STK3: variants seen among roughly 807,000 people sequenced by gnomAD.
STK3 encodes serine/threonine kinase 3.
STK3 carries 41 observed loss-of-function variants against 58.0 expected under a neutral mutation model. The ratio of observed to expected loss-of-function variants is 0.71; its 90% CI spans 0.55 to 0.92. STK3 has a LOEUF of 0.92. Among genes scored for constraint, STK3 ranks in the 40% least tolerant of loss-of-function variants. The pLI is 0.00. For synonymous variants in STK3, 170 were observed against 191.0 expected (o/e 0.89, Z 0.91); for missense variants, 479 against 602.7 (o/e 0.79, Z 2.15).
At chr8:98,588,118 T>G (rs977669251) in intron 7 of STK3, among the ~76,000 whole-genome samples, 2 of 152,194 alleles carry the variant, frequency 1.3e-5, no homozygotes, top group African/African-American at 4.8e-5. Context: ...AATATTGTTA[T>G]GTGTGAATTT....
Position 98,824,848 on chromosome 8 carries a change from T to G in STK3, c.26+667A>C, listed in dbSNP as rs578167309. ...AAAAATGAAAGACTGAGGTTAAATA[T>G]TTTAGCAACATCAAACAATTCGTTA... On this transcript the variant is annotated intron_variant, in intron 1 of 10. Coordinates refer to ENST00000419617, the MANE Select transcript of STK3 (RefSeq NM_006281.4). Among the ~76,000 whole-genome samples, 9 of 152,358 alleles carry G rather than the reference T, an allele frequency of 5.9e-5. 1 individual carries two copies. In the South Asian group the frequency reaches 1.9e-3, roughly 32 times the overall value.
intron 6 of STK3, chr8:98,598,180 C>T: frequency 2.0e-6 from 2 of 985,302 alleles, no homozygotes; most frequent in Non-Finnish European, 2.4e-6. Context: ...GTGGATAACA[C>T]AATGATTTAT....
At chr8:98,515,439 C>G (rs1824854328) in intron 10 of STK3, among the ~76,000 whole-genome samples, 2 of 152,126 alleles carry the variant, frequency 1.3e-5, no homozygotes, top group South Asian at 4.1e-4. Context: ...CCAACTCAGT[C>G]TGCACCCCGC....
chr8:98,834,172 T>C (rs1413571834), intron 3 of STK3, among the ~76,000 whole-genome samples: 4 of 152,216 alleles, frequency 2.6e-5, no homozygotes, highest in Non-Finnish European at 5.9e-5. Flanking sequence ...CACTTTATAG[T>C]TGAACAATGT....
At chr8:98,464,805 A>G (rs1410946499) in intron 10 of STK3, among the ~76,000 whole-genome samples, 9 of 152,142 alleles carry the variant, frequency 5.9e-5, no homozygotes, top group Admixed American at 5.9e-4. Context: ...CCTCACTGTA[A>G]AAATGTGATC....
chr8:98,551,611 T>C (rs1351733227), intron 8 of STK3, among the ~76,000 whole-genome samples: 1 of 152,092 alleles, frequency 6.6e-6, no homozygotes, highest in Non-Finnish European at 1.5e-5. Flanking sequence ...CAATCTTACA[T>C]GAAAAATACT....
chr8:98,656,599 A>G (rs1343146740), intron 6 of STK3, among the ~76,000 whole-genome samples: 6 of 152,086 alleles, frequency 3.9e-5, no homozygotes, highest in African/African-American at 7.2e-5. Context: ...TCCTTCTTCA[A>G]TTTGATACAC....
the STK3 span, among the ~76,000 whole-genome samples, chr8:98,358,326 C>T: frequency 1.3e-5 from 2 of 152,084 alleles, no homozygotes; most frequent in Non-Finnish European, 2.9e-5. Context: ...ATCACACGCC[C>T]GTTACCCAAT....
chr8:98,783,077 C>T (rs1240935007), intron 1 of STK3, among the ~76,000 whole-genome samples: 5 of 151,754 alleles, frequency 3.3e-5, no homozygotes, highest in South Asian at 2.1e-4. Context: ...AATTGCTGAA[C>T]ATCAGTGAGA....
chr8:98,519,280 AAAACAAAC>A (rs149833591), intron 10 of STK3, among the ~76,000 whole-genome samples: 13 of 152,048 alleles, frequency 8.5e-5, no homozygotes, highest in African/African-American at 2.2e-4. Flanking sequence ...CTATACTGGT[AAAACAAAC>A]AAACAAACAA....
the STK3 span, among the ~76,000 whole-genome samples, chr8:98,350,622 G>A: frequency 6.6e-6 from 1 of 152,218 alleles, no homozygotes; most frequent in African/African-American, 2.4e-5. Flanking sequence ...ACAGTTCCAC[G>A]TGGATGAGGA....
intron 1 of STK3, among the ~76,000 whole-genome samples, chr8:98,900,937 C>T (rs975981049): frequency 2.0e-5 from 3 of 152,192 alleles, no homozygotes; most frequent in African/African-American, 7.2e-5. Context: ...GCTGGGATAA[C>T]AGGCATGAGC....
At chr8:98,861,599 T>C (rs941128825) in intron 3 of STK3, among the ~76,000 whole-genome samples, 1 of 151,990 alleles carries the variant, frequency 6.6e-6, no homozygotes, top group African/African-American at 2.4e-5. Flanking sequence ...CCGCCCACCT[T>C]GGTCTCCCAA....
At chr8:98,532,940 T>C (rs1467758505) in intron 9 of STK3, among the ~76,000 whole-genome samples, 2 of 152,148 alleles carry the variant, frequency 1.3e-5, no homozygotes, top group Non-Finnish European at 2.9e-5. Context: ...TAAAGTGGTA[T>C]TTTTTTGTTT....
At chr8:98,712,275 C>T (rs1267693212) in intron 4 of STK3, among the ~76,000 whole-genome samples, 4 of 152,146 alleles carry the variant, frequency 2.6e-5, no homozygotes, top group Admixed American at 6.5e-5. Flanking sequence ...CAAATTCACA[C>T]ATAACAATAT....
chr8:98,561,869 C>A (rs993014162), intron 8 of STK3, among the ~76,000 whole-genome samples: 3 of 152,110 alleles, frequency 2.0e-5, no homozygotes, highest in Admixed American at 1.3e-4. Context: ...TGAACATACA[C>A]TTTGCCAAAG....
At chr8:98,656,581 T>C (rs1821551175) in intron 6 of STK3, among the ~76,000 whole-genome samples, 1 of 152,152 alleles carries the variant, frequency 6.6e-6, no homozygotes, top group Admixed American at 6.6e-5. Context: ...ATTATCATCA[T>C]CTAATTTTCC....
At position 98,603,805 on chromosome 8, in the gene STK3, G is replaced by C. The variant is rs561042137; in HGVS notation, c.685-7636C>G. Among the ~76,000 whole-genome samples, 5 of 152,186 alleles carry C rather than the reference G, an allele frequency of 3.3e-5. No individual in the cohort carries two copies. The South Asian group carries it at 6.3e-4, about 19-fold the overall frequency. ...GAAGAAGGAAAGGAAGAAGGGAAGG[G>C]AAGGAGGGAAAGATGATGTAGAGAG... On this transcript the variant is annotated intron_variant, in intron 6 of 10. Coordinates refer to ENST00000419617, the MANE Select transcript of STK3 (RefSeq NM_006281.4).
intron 3 of STK3, among the ~76,000 whole-genome samples, chr8:98,406,885 C>T (rs1817999846): frequency 6.6e-6 from 1 of 152,146 alleles, no homozygotes; most frequent in Admixed American, 6.5e-5. Context: ...CCTGGGGGTA[C>T]AGCAGCCCCC....
Sources: gnomAD v4.1 joint callset for allele counts (sites outside exome capture counted in the v4.1 genomes callset) on GRCh38, gnomAD v4.1.1 for gene constraint, MANE v1.5 for transcripts, NCBI Gene and HGNC (gene_info 2026-07-23, HGNC 2026-07-21) for gene names.